SOX6: variants seen among roughly 807,000 people sequenced by gnomAD.
The protein encoded by SOX6 is SRY-box transcription factor 6.
In SOX6, 11 loss-of-function variants were observed where a neutral mutation model predicts 97.8. The observed-to-expected ratio is 0.11, with a 90% CI of 0.07 to 0.19. The LOEUF (loss-of-function observed/expected upper bound fraction) is 0.19. Among genes scored for constraint, SOX6 ranks in the 10% least tolerant of loss-of-function variants. The pLI is 1.00. For missense variants in SOX6, 810 were observed against 1,039.5 expected (o/e 0.78, Z 3.04); for synonymous variants, 360 against 371.4 (o/e 0.97, Z 0.35).
chr11:16,484,610 C>T lies in SOX6; in HGVS notation n.610-8222G>A, dbSNP rs1860399303. Reference sequence around the variant, plus strand: ...AGTCACCTGGCGTGGAGGGGGCTTCCAGGTGCCCAGCCCCAGGATGGACAT... The same window carrying T: ...AGTCACCTGGCGTGGAGGGGGCTTCTAGGTGCCCAGCCCCAGGATGGACAT... On this transcript the variant is annotated intron_variant and non_coding_transcript_variant, in intron 4 of 5. Coordinates refer to the SOX6 transcript ENST00000524520. 7.3e-6 allele frequency: 5 copies of T among 685,164 alleles called. No individual in the cohort carries two copies. In the Admixed American group the frequency reaches 1.0e-4, roughly 14 times the overall value. 42.4% of individuals were successfully genotyped at this position (685,164 alleles called of 1,614,324 possible).
chr11:16,275,888 T>G (rs1854385449), intron 3 of SOX6, among the ~76,000 whole-genome samples: 1 of 152,172 alleles, frequency 6.6e-6, no homozygotes, highest in Non-Finnish European at 1.5e-5. Flanking sequence ...TAGATTCATA[T>G]TGTAATATTT....
At chr11:16,287,290 T>A (rs1473594398) in intron 3 of SOX6, among the ~76,000 whole-genome samples, 1,504 of 71,334 alleles carry the variant, frequency 0.021, 23 homozygotes, top group African/African-American at 0.047. Flanking sequence ...TCTCTCTCTC[T>A]CTCTCTCTCA....
At chr11:16,654,537 A>G (rs1847697919) in intron 3 of SOX6, among the ~76,000 whole-genome samples, 1 of 152,076 alleles carries the variant, frequency 6.6e-6, no homozygotes, top group East Asian at 1.9e-4. Flanking sequence ...CACTCTTCCC[A>G]TCTCAACCTC....
intron 7 of SOX6, among the ~76,000 whole-genome samples, chr11:16,099,498 C>T (rs1341584002): frequency 2.0e-5 from 3 of 151,814 alleles, no homozygotes; most frequent in African/African-American, 7.2e-5. Flanking sequence ...CCTCCTGGAA[C>T]ATTTTAGAGC....
chr11:16,242,607 C>A (rs1384144786), intron 3 of SOX6, among the ~76,000 whole-genome samples: 2 of 149,616 alleles, frequency 1.3e-5, no homozygotes, highest in South Asian at 2.1e-4. Flanking sequence ...GAAAACACAC[C>A]AGAAATTAAG....
chr11:16,411,462 T>C (rs947392861), intron 1 of SOX6, among the ~76,000 whole-genome samples: 1 of 152,120 alleles, frequency 6.6e-6, no homozygotes, highest in African/African-American at 2.4e-5. Context: ...CACTTAAGGT[T>C]TGCCAGGTAA....
intron 1 of SOX6, among the ~76,000 whole-genome samples, chr11:16,420,041 T>C (rs1450902393): frequency 1.3e-5 from 2 of 152,206 alleles, no homozygotes; most frequent in Non-Finnish European, 2.9e-5. Context: ...TTGGAAAATA[T>C]ATTCTATCTT....
At chr11:16,082,339 G>A (rs1237010466) in intron 9 of SOX6, among the ~76,000 whole-genome samples, 1 of 152,116 alleles carries the variant, frequency 6.6e-6, no homozygotes, top group Non-Finnish European at 1.5e-5. Context: ...CCTCTGCCAA[G>A]GAACATTTTA....
At chr11:16,315,154 T>A (rs1855722788) in intron 3 of SOX6, 2 of 152,194 alleles carry the variant, frequency 1.3e-5, no homozygotes, top group Non-Finnish European at 2.9e-5. Context: ...GCCAGGATGG[T>A]CTTGATCTCC....
chr11:16,256,089 T>C (rs1407902986), intron 3 of SOX6, among the ~76,000 whole-genome samples: 1 of 151,986 alleles, frequency 6.6e-6, no homozygotes, highest in Non-Finnish European at 1.5e-5. Context: ...CAGTAATTAG[T>C]AACCTTCCAA....
chr11:15,981,479 C>A (rs1366193186), intron 15 of SOX6, among the ~76,000 whole-genome samples: 1 of 141,856 alleles, frequency 7.0e-6, no homozygotes, highest in Non-Finnish European at 1.6e-5. Flanking sequence ...ACCCTTCAGA[C>A]CCTTCAAAGT....
At chr11:16,417,059 G>C (rs1858940321) in intron 1 of SOX6, among the ~76,000 whole-genome samples, 1 of 152,126 alleles carries the variant, frequency 6.6e-6, no homozygotes, top group South Asian at 2.1e-4. Flanking sequence ...GTATTGTCCT[G>C]CTTGAAGAGA....
At chr11:16,085,604 A>C (rs566195666) in intron 9 of SOX6, among the ~76,000 whole-genome samples, 1 of 152,286 alleles carries the variant, frequency 6.6e-6, no homozygotes, top group Admixed American at 6.5e-5. Context: ...ACAGTCTCTC[A>C]GGTCAGCCTC....
At chr11:16,274,373 T>A (rs1854336775) in intron 3 of SOX6, among the ~76,000 whole-genome samples, 1 of 152,138 alleles carries the variant, frequency 6.6e-6, no homozygotes, top group Admixed American at 6.6e-5. Flanking sequence ...CCCATCCATA[T>A]GCCCACTCAC....
intron 1 of SOX6, among the ~76,000 whole-genome samples, chr11:16,428,842 G>T (rs1189861910): frequency 2.0e-5 from 3 of 152,144 alleles, no homozygotes; most frequent in African/African-American, 7.2e-5. Context: ...CTTTAATGTA[G>T]TTTTTTCCAA....
intron 3 of SOX6, among the ~76,000 whole-genome samples, chr11:16,666,136 C>T (rs1429926674): frequency 1.3e-5 from 2 of 152,160 alleles, no homozygotes; most frequent in South Asian, 2.1e-4. Flanking sequence ...CTTAACTCCT[C>T]AGTGCCCAGA....
At chr11:16,081,225 C>T (rs373044168) in intron 9 of SOX6, among the ~76,000 whole-genome samples, 3 of 152,218 alleles carry the variant, frequency 2.0e-5, no homozygotes, top group African/African-American at 7.2e-5. Flanking sequence ...CTTTTGGACT[C>T]GTACCCCTAG....
chr11:16,639,274 A>G (rs1848850775), intron 3 of SOX6, among the ~76,000 whole-genome samples: 1 of 152,128 alleles, frequency 6.6e-6, no homozygotes, highest in African/African-American at 2.4e-5. Flanking sequence ...ATTGGTATAT[A>G]TCTCTGTTTT....
At chr11:16,198,795 G>C (rs1305033313) in intron 4 of SOX6, among the ~76,000 whole-genome samples, 1 of 152,150 alleles carries the variant, frequency 6.6e-6, no homozygotes, top group Non-Finnish European at 1.5e-5. Context: ...AGATCTCAAG[G>C]ATGTTTTCCC....
Sources: gnomAD v4.1 joint callset for allele counts (sites outside exome capture counted in the v4.1 genomes callset) on GRCh38, gnomAD v4.1.1 for gene constraint, MANE v1.5 for transcripts, NCBI Gene and HGNC (gene_info 2026-07-23, HGNC 2026-07-21) for gene names.